The following BTN2A1 variants were observed in gnomAD, a reference collection of about 807,000 sequenced individuals.
BTN2A1 encodes butyrophilin, subfamily 2, member A1.
Under a neutral mutation model 34.5 loss-of-function variants are expected in BTN2A1, and 41 were observed. That is an observed-to-expected ratio of 1.19 (90% CI 0.93 to 1.54). BTN2A1 has a LOEUF of 1.54. Among genes scored for constraint, BTN2A1 ranks in the 40% most tolerant of loss-of-function variants. BTN2A1 has a pLI of 0.00. For synonymous variants in BTN2A1, 267 were observed against 258.6 expected (o/e 1.03, Z -0.31); for missense variants, 642 against 662.0 (o/e 0.97, Z 0.33).
chr6:26,462,325 G>T (rs541072187), intron 3 of BTN2A1, among the ~76,000 whole-genome samples: 71 of 152,040 alleles, frequency 4.7e-4, no homozygotes, highest in Non-Finnish European at 8.8e-4. Context: ...TTAGTCCCTG[G>T]ATCATCCAGA....
intron 3 of BTN2A1, among the ~76,000 whole-genome samples, chr6:26,462,524 C>T (rs898791017): frequency 1.3e-5 from 2 of 152,210 alleles, no homozygotes; most frequent in Non-Finnish European, 2.9e-5. Flanking sequence ...CCAACCTGGA[C>T]AGCAGAGCTA....
chr6:26,473,950 C>T (rs1763494897), downstream of BTN2A1, among the ~76,000 whole-genome samples: 1 of 151,074 alleles, frequency 6.6e-6, no homozygotes, highest in African/African-American at 2.4e-5. Flanking sequence ...AATCAAAACA[C>T]GAATTCCTAC....
chr6:26,466,173 G>C lies in BTN2A1; in HGVS notation c.982+85G>C, dbSNP rs576945668. On this transcript the variant is annotated intron_variant, in intron 7 of 7. Coordinates refer to ENST00000312541, the MANE Select transcript of BTN2A1 (RefSeq NM_007049.5). ...ACTCCTTAGAGGAGATGAGCAAGGGGCCCAGGGCAAGGTGGGGACAGCAGG... is the reference window on the plus strand; with the variant it reads ...ACTCCTTAGAGGAGATGAGCAAGGGCCCCAGGGCAAGGTGGGGACAGCAGG... The C allele has an allele frequency of 1.9e-6, 3 of 1,605,608 alleles. No homozygotes were observed. The South Asian group carries it at 3.3e-5, about 18-fold the overall frequency.
At chr6:26,465,743 T>G (rs1216466516) in intron 5 of BTN2A1, 4 of 873,324 alleles carry the variant, frequency 4.6e-6, no homozygotes, top group Non-Finnish European at 5.5e-6. Flanking sequence ...CATAAAGTAC[T>G]AAATGGTTGA....
At position 26,462,918 on chromosome 6, in the gene BTN2A1, G is replaced by A. The variant is rs914190445; in HGVS notation, c.431-326G>A. 3.1e-6 allele frequency: 4 copies of A among 1,277,444 alleles called. No homozygotes were observed. In the African/African-American group the frequency reaches 4.5e-5, roughly 15 times the overall value. 79.1% of individuals were successfully genotyped at this position (1,277,444 alleles called of 1,614,324 possible). A position where few individuals can be genotyped will look rare whatever the true frequency, so the allele number is the denominator to read the frequency against. On this transcript the variant is annotated intron_variant, in intron 3 of 7. Coordinates refer to ENST00000312541, the MANE Select transcript of BTN2A1 (RefSeq NM_007049.5). ...TCAAAGTGAGAAAATTAGTCTGGCA[G>A]GATAAATTGAACAAGCATTTATGGC... is the stretch of plus-strand genomic sequence containing the variant.
chr6:26,467,754 T>A, intron 7 of BTN2A1, 194 bp from the exon 8 acceptor site: 1 of 1,590,018 alleles, frequency 6.3e-7, no homozygotes, highest in Non-Finnish European at 8.6e-7. Flanking sequence ...GAACTGCTTC[T>A]GTCTCTGGAG....
intron 3 of BTN2A1, chr6:26,462,966 G>T: frequency 8.4e-7 from 1 of 1,193,118 alleles, no homozygotes; most frequent in Non-Finnish European, 1.1e-6. Context: ...GCTTGGTGCT[G>T]TGATGGGGCC....
Position 26,464,634 on chromosome 6 carries a change from A to G in BTN2A1, c.713-551A>G, listed in dbSNP as rs1202039106. Among the ~76,000 whole-genome samples the G allele has an allele frequency of 2.0e-5, 3 of 152,298 alleles. No individual in the cohort carries two copies. In the East Asian group the frequency reaches 5.8e-4, roughly 29 times the overall value. On this transcript the variant is annotated intron_variant, in intron 4 of 7. Coordinates refer to ENST00000312541, the MANE Select transcript of BTN2A1 (RefSeq NM_007049.5). ...ATCTCTGGCAGTTTCCAGGACCCCCAGAAGGTGATGCTGGTGTGGCTGAAA... is the reference window on the plus strand; with the variant it reads ...ATCTCTGGCAGTTTCCAGGACCCCCGGAAGGTGATGCTGGTGTGGCTGAAA...
chr6:26,470,848 G>A (rs1763436480), downstream of BTN2A1, among the ~76,000 whole-genome samples: 1 of 152,146 alleles, frequency 6.6e-6, no homozygotes, highest in Non-Finnish European at 1.5e-5. Flanking sequence ...CTTTGACTGA[G>A]CCATGCTGCC....
chr6:26,471,735 G>A (rs143027607), downstream of BTN2A1, among the ~76,000 whole-genome samples: 875 of 152,298 alleles, frequency 5.7e-3, 5 homozygotes, highest in African/African-American at 0.016. Context: ...ATGGGGAAAC[G>A]GAGAGACAAG....
exon 8 of BTN2A1, chr6:26,476,493 C>A: frequency 2.2e-6 from 1 of 449,554 alleles, no homozygotes; most frequent in South Asian, 2.0e-5. Context: ...TAAAACATCT[C>A]AATAAATATA....
chr6:26,463,135 T>C (rs1763209971), intron 3 of BTN2A1, 109 bp from the exon 4 acceptor site: 1 of 1,302,794 alleles, frequency 7.7e-7, no homozygotes, highest in Non-Finnish European at 1.1e-6. Flanking sequence ...TTGTTTCCTA[T>C]CTCCCTCTTT....
chr6:26,459,317 G>T (rs559874257), intron 2 of BTN2A1, among the ~76,000 whole-genome samples, 164 bp from the exon 3 acceptor site: 63 of 152,256 alleles, frequency 4.1e-4, no homozygotes, highest in African/African-American at 1.5e-3. Context: ...TGCTCCCAGG[G>T]GTGCTGTCGA....
At chr6:26,462,957 C>G in intron 3 of BTN2A1, 1 of 1,242,478 alleles carries the variant, frequency 8.0e-7, no homozygotes, top group Non-Finnish European at 1.1e-6. Context: ...CAGATAGATG[C>G]TTGGTGCTGT....
chr6:26,462,883 C>G, intron 3 of BTN2A1: 2 of 1,277,212 alleles, frequency 1.6e-6, no homozygotes, highest in African/African-American at 3.0e-5. Context: ...TTGGAGTCGA[C>G]ACACCCATCT....
rs1456325588 is a variant in BTN2A1 at position 26,468,191 on chromosome 6, G to C, written c.1226G>C (p.Arg409Thr). Residue 409 changes from arginine (R) to threonine (T), a missense_variant, in exon 8 of 8, where the codon AGG becomes ACG. Transcript: ENST00000312541. ...TVGVCRDSVERKGEVLLIPQN... is the reference protein window; with the variant it reads ...TVGVCRDSVETKGEVLLIPQN... Reference sequence around the variant, plus strand: ...GGGGTCTGTAGAGACAGTGTTGAGAGGAAAGGGGAGGTCCTGCTGATTCCT... The same window carrying C: ...GGGGTCTGTAGAGACAGTGTTGAGACGAAAGGGGAGGTCCTGCTGATTCCT... 1 of 1,614,088 alleles carries C rather than the reference G, an allele frequency of 6.2e-7. No individual in the cohort carries two copies. The highest frequency in any genetic ancestry group is 8.5e-7 in the Non-Finnish European group (1 of 1,180,046).
chr6:26,471,099 T>C (rs1002011371), downstream of BTN2A1, among the ~76,000 whole-genome samples: 4 of 152,152 alleles, frequency 2.6e-5, no homozygotes, highest in Admixed American at 6.6e-5. Context: ...AAAAAGCTTT[T>C]TAAACAGTCT....
At chr6:26,476,157 T>G (rs1351811406) in exon 8 of BTN2A1, 1 of 1,536,526 alleles carries the variant, frequency 6.5e-7, no homozygotes, top group Admixed American at 2.0e-5. Flanking sequence ...TTTACCAAAC[T>G]TAGGGTGGTG....
Position 26,463,239 on chromosome 6 carries a change from C to T in BTN2A1, c.431-5C>T. The T allele has an allele frequency of 6.3e-7, 1 of 1,578,338 alleles. No individual in the cohort carries two copies. ...TTTTGCCTGAACCCTGATATCTCTC[C>T]ACAGGACTAGGCTCTAAGCCCCTCA... On this transcript the variant is annotated splice_polypyrimidine_tract_variant and splice_region_variant and intron_variant, in intron 3 of 7. Coordinates refer to ENST00000312541, the MANE Select transcript of BTN2A1 (RefSeq NM_007049.5).
Sources: allele counts gnomAD v4.1 joint callset (sites outside exome capture counted in the v4.1 genomes callset), GRCh38; gene constraint gnomAD v4.1.1; transcripts MANE v1.5; gene names NCBI Gene and HGNC (gene_info 2026-07-23, HGNC 2026-07-21).